FAM186B: variants seen among roughly 807,000 people sequenced by gnomAD.
The protein encoded by FAM186B is family with sequence similarity 186 member B, also known as protein FAM186B.
Under a neutral mutation model 83.4 loss-of-function variants are expected in FAM186B, and 68 were observed. The observed-to-expected ratio is 0.81, with a 90% CI of 0.67 to 1.00. The LOEUF is 1.00. Ranked by LOEUF, FAM186B falls within the 50% of genes least tolerant of loss-of-function variation. FAM186B has a pLI of 0.00. For synonymous variants in FAM186B, 389 were observed against 422.0 expected, an observed-to-expected ratio of 0.92 and a Z score of 0.96; for missense variants, 983 against 1,099.2, an observed-to-expected ratio of 0.89 and a Z score of 1.49.
Position 49,599,920 on chromosome 12 carries a change from G to A in FAM186B, c.1720C>T (p.Leu574=). 6.2e-7 allele frequency: 1 copy of A among 1,613,552 alleles called. No individual in the cohort carries two copies. Among genetic ancestry groups the A allele is most frequent in the Non-Finnish European group, 8.5e-7 (1 of 1,179,734 alleles). ...SRWRDLEKAE[L]SLVPAPSRTQ... ...CGGCTTGGGGCAGGCACTAATGATA[G>A]CTCTGCCTTCTCCAAGTCCCTCCAT... The change falls in exon 4 of 7, where the codon CTA becomes TTA. Residue 574 remains leucine (L), a synonymous_variant. Coordinates refer to ENST00000257894, the MANE Select transcript of FAM186B (RefSeq NM_032130.3).
upstream of FAM186B, among the ~76,000 whole-genome samples, chr12:49,606,490 C>G (rs1940025037): frequency 7.3e-6 from 1 of 137,096 alleles, no homozygotes; most frequent in Non-Finnish European, 1.5e-5. Flanking sequence ...TACCCTGACA[C>G]ACACACACAC....
chr12:49,605,588 C>A lies in FAM186B; in HGVS notation c.-111G>T. 1 of 1,186,128 alleles carries A rather than the reference C, an allele frequency of 8.4e-7. No homozygotes were observed. Among genetic ancestry groups the A allele is most frequent in the South Asian group, 1.6e-5 (1 of 64,330 alleles). The allele number at this position is 1,186,128 out of a possible 1,614,324, so 73.5% of individuals were successfully genotyped here. ...GGGCACCAGGGTGTCTCCTGGGTAC[C>A]CTCTGCCCAGGCACAGCTCCTCTGG... On this transcript the variant is annotated 5_prime_UTR_variant, in exon 1 of 7. Coordinates refer to ENST00000257894, the MANE Select transcript of FAM186B (RefSeq NM_032130.3).
Position 49,599,915 on chromosome 12 carries a change from T to G in FAM186B, c.1725A>C (p.Ser575=). The G allele has an allele frequency of 6.2e-7, 1 of 1,613,416 alleles. No homozygotes were observed. The highest frequency in any genetic ancestry group is 2.2e-5 in the East Asian group (1 of 44,878). ...RWRDLEKAEL[S]LVPAPSRTQS... is the part of the protein sequence containing the mutation. ...GGGTCCGGCTTGGGGCAGGCACTAA[T>G]GATAGCTCTGCCTTCTCCAAGTCCC... Residue 575 remains serine, a synonymous_variant, in exon 4 of 7, where the codon TCA becomes TCC. Transcript: ENST00000257894.
chr12:49,598,651 G>A (rs527532016), intron 5 of FAM186B, 104 bp downstream of exon 5: 47 of 1,025,378 alleles, frequency 4.6e-5, no homozygotes, highest in Admixed American at 5.6e-5. Flanking sequence ...CCCTGGTCCC[G>A]CAGTCTCAGC....
chr12:49,611,506 A>G, the FAM186B span, among the ~76,000 whole-genome samples: 1 of 150,392 alleles, frequency 6.6e-6, no homozygotes, highest in Admixed American at 6.7e-5. Flanking sequence ...GTGAATTGAG[A>G]CTGCACTGCT....
intron 3 of FAM186B, among the ~76,000 whole-genome samples, chr12:49,602,052 C>T (rs1939907487): frequency 6.6e-6 from 1 of 152,118 alleles, no homozygotes; most frequent in Non-Finnish European, 1.5e-5. Flanking sequence ...TTGCCTTGGG[C>T]AATTTTCCTA....
chr12:49,584,615 C>G (rs1198108111), downstream of FAM186B: 3 of 702,258 alleles, frequency 4.3e-6, no homozygotes, highest in African/African-American at 5.2e-5. Context: ...CGCTGAGGCG[C>G]TGCAAGAGTT....
chr12:49,588,881 C>T (rs1939512215), intron 5 of FAM186B, among the ~76,000 whole-genome samples: 1 of 152,198 alleles, frequency 6.6e-6, no homozygotes, highest in Non-Finnish European at 1.5e-5. Flanking sequence ...ATGGGCAAAA[C>T]AGCAAGGAAG....
rs34152009 is a variant in FAM186B at position 49,593,632 on chromosome 12, C to CA, written c.2365-5010dup. 4.0e-3 allele frequency among the ~76,000 whole-genome samples: 348 copies of CA among 86,246 alleles called. 2 individuals are homozygous for CA. Among genetic ancestry groups the CA allele is most frequent in the Admixed American group, 5.8e-3 (46 of 7,988 alleles). 56.6% of individuals were successfully genotyped at this position (86,246 alleles called of 152,430 possible). ...CCTGGGTGACAGCAAGACTCCATCT[C>CA]AAAAAAAAAAAAAAGAAAAGAAAGA... On this transcript the variant is annotated intron_variant, in intron 5 of 6. Coordinates refer to ENST00000257894, the MANE Select transcript of FAM186B (RefSeq NM_032130.3).
rs76119682 is a variant in FAM186B, at chr12:49,587,656, G to A, written c.2631C>T (p.Asp877=). 1 of 1,613,652 alleles carries A rather than the reference G, an allele frequency of 6.2e-7. No individual in the cohort carries two copies. Among genetic ancestry groups the A allele is most frequent in the South Asian group, 1.1e-5 (1 of 91,090 alleles). ...EKKTPASLPR[D]QLRGHPDIPR... The stretch of plus-strand genomic sequence containing the variant: ...GAATATCTGGGTGTCCCCTCAGCTG[G>A]TCCCGGGGAAGGCTGGCAGGGGTCT... Residue 877 remains aspartate, a synonymous_variant, in exon 7 of 7, where the codon GAC becomes GAT. Transcript: ENST00000257894.
chr12:49,608,277 G>A (rs908867723), upstream of FAM186B, among the ~76,000 whole-genome samples: 1 of 150,636 alleles, frequency 6.6e-6, no homozygotes, highest in Non-Finnish European at 1.5e-5. Flanking sequence ...GATCACTTGA[G>A]GTCAGGAGTT....
downstream of FAM186B, chr12:49,584,475 G>A (rs984719333): frequency 2.8e-6 from 2 of 702,060 alleles, no homozygotes; most frequent in Admixed American, 4.0e-5. Context: ...ACTGGCTGAG[G>A]GATGCAGTGG....
Position 49,588,454 on chromosome 12 carries a change from C to G in FAM186B, c.2534G>C (p.Arg845Pro). The change falls in exon 6 of 7, where the codon CGC becomes CCC. Residue 845 changes from arginine to proline, a missense_variant and splice_region_variant. Physicochemically the swap from Arg to Pro is moderately radical, Grantham distance 103. Transcript: ENST00000257894. ...GCCCCCTCAGCTTCCCAGAACCTACCGGGCCATCTGCAGGGGCACACATGC... is the reference window on the plus strand; with the variant it reads ...GCCCCCTCAGCTTCCCAGAACCTACGGGGCCATCTGCAGGGGCACACATGC... Reference protein sequence around the residue: ...HRACVPLQMARQQGKQMEAVW... With the variant: ...HRACVPLQMAPQQGKQMEAVW... 1 of 1,610,600 alleles carries G rather than the reference C, an allele frequency of 6.2e-7. No homozygotes were observed. The highest frequency in any genetic ancestry group is 8.5e-7 in the Non-Finnish European group (1 of 1,177,840).
At chr12:49,605,241 A>G in intron 1 of FAM186B, 141 bp downstream of exon 1, 3 of 1,503,022 alleles carry the variant, frequency 2.0e-6, no homozygotes, top group Non-Finnish European at 1.8e-6. Context: ...AATTTATACT[A>G]ATCTGTCTGC....
intron 5 of FAM186B, among the ~76,000 whole-genome samples, chr12:49,592,755 C>T (rs1037113718): frequency 6.6e-6 from 1 of 151,974 alleles, no homozygotes; most frequent in Non-Finnish European, 1.5e-5. Context: ...CACCACACTC[C>T]AGCTTAGGAG....
chr12:49,609,808 C>T (rs1359084187), upstream of FAM186B, among the ~76,000 whole-genome samples: 3 of 152,314 alleles, frequency 2.0e-5, no homozygotes, highest in East Asian at 5.8e-4. Context: ...CATTGAGGGA[C>T]CTGTAGACAG....
chr12:49,604,342 T>C lies in FAM186B; in HGVS notation c.293A>G (p.Tyr98Cys). Residue 98 changes from tyrosine to cysteine, a missense_variant, in exon 2 of 7, where the codon TAT becomes TGT. By Grantham distance (194) the Tyr-to-Cys change is radical (BLOSUM62 -2). Transcript: ENST00000257894. Reference sequence around the variant, plus strand: ...GTCACCCAGCCAGCGGAGAATGTCATACAGGTGCTTCTCCTTCATCATAGC... The same window carrying C: ...GTCACCCAGCCAGCGGAGAATGTCACACAGGTGCTTCTCCTTCATCATAGC... ...KDAMMKEKHL[Y>C]DILRWLGDWG... 1.9e-6 allele frequency: 3 copies of C among 1,614,214 alleles called. No individual in the cohort carries two copies. Among genetic ancestry groups the C allele is most frequent in the Non-Finnish European group, 2.5e-6 (3 of 1,180,014 alleles).
At position 49,599,497 on chromosome 12, in the gene FAM186B, T is replaced by C. The variant is rs1157239900; in HGVS notation, c.2143A>G (p.Ile715Val). The change falls in exon 4 of 7, where the codon ATC (isoleucine) becomes GTC (valine). Residue 715 changes from isoleucine (I) to valine (V), a missense_variant. Transcript: ENST00000257894. ...LRLQYLCHKY[I>V]FYRRLQSLRQ... ...AGGCTCTGGAGGCGTCTATAGAAGA[T>C]GTACTTATGGCACAGGTACTGCAGC... 16 of 1,558,420 alleles carry C rather than the reference T, an allele frequency of 1.0e-5. No individual in the cohort carries two copies. Among genetic ancestry groups the C allele is most frequent in the Non-Finnish European group, 1.3e-5 (15 of 1,156,394 alleles).
At chr12:49,622,008 A>C in the FAM186B span, among the ~76,000 whole-genome samples, 1 of 152,282 alleles carries the variant, frequency 6.6e-6, no homozygotes, top group Non-Finnish European at 1.5e-5. Context: ...ATGTTCTAAG[A>C]AATATTTCAT....
Sources: allele counts gnomAD v4.1 joint callset (sites outside exome capture counted in the v4.1 genomes callset), GRCh38; gene constraint gnomAD v4.1.1; transcripts MANE v1.5; gene names NCBI Gene and HGNC (gene_info 2026-07-23, HGNC 2026-07-21).